Variants in CLCN3 observed in about 807,000 individuals in gnomAD.
CLCN3 encodes Cl-/H+ antiporter 3, also known as H(+)/Cl(-) exchange transporter 3.
CLCN3 carries 16 observed loss-of-function variants against 83.4 expected under a neutral mutation model. That is an observed-to-expected ratio of 0.19 (90% CI 0.13 to 0.29). The LOEUF (loss-of-function observed/expected upper bound fraction) is 0.29, where lower values mean the gene tolerates loss of function less well. Among genes scored for constraint, CLCN3 ranks in the 10% least tolerant of loss-of-function variants. The pLI is 1.00. For synonymous variants in CLCN3, 322 were observed against 346.2 expected (o/e 0.93, Z 0.78); for missense variants, 544 against 1,006.0 (o/e 0.54, Z 6.21).
intron 1 of CLCN3, among the ~76,000 whole-genome samples, chr4:169,626,557 C>A (rs992924636): frequency 1.3e-5 from 2 of 152,218 alleles, no homozygotes; most frequent in Non-Finnish European, 2.9e-5. Flanking sequence ...GGTCTTATGA[C>A]CCACAGTCAG....
At chr4:169,645,692 A>G (rs1056620737) in intron 2 of CLCN3, among the ~76,000 whole-genome samples, 3 of 152,164 alleles carry the variant, frequency 2.0e-5, no homozygotes, top group African/African-American at 2.4e-5. Context: ...GTCTTTATAC[A>G]TGGTCCTTTG....
intron 11 of CLCN3, among the ~76,000 whole-genome samples, chr4:169,711,748 A>G (rs1733224574): frequency 6.6e-6 from 1 of 152,244 alleles, no homozygotes; most frequent in Non-Finnish European, 1.5e-5. Flanking sequence ...AGAAGGCTGT[A>G]GTGTTCAAAA....
At chr4:169,656,289 G>A (rs1730882069) in intron 2 of CLCN3, among the ~76,000 whole-genome samples, 1 of 152,160 alleles carries the variant, frequency 6.6e-6, no homozygotes. Flanking sequence ...CGTCTTCTGG[G>A]GAGGCCTCAG....
intron 2 of CLCN3, among the ~76,000 whole-genome samples, chr4:169,646,591 C>T (rs769439198): frequency 2.2e-4 from 33 of 152,192 alleles, no homozygotes; most frequent in Non-Finnish European, 3.7e-4. Flanking sequence ...CCACAGCACT[C>T]AGACCTTTTA....
chr4:169,650,143 TA>T (rs1443053356), intron 2 of CLCN3, among the ~76,000 whole-genome samples: 4 of 152,148 alleles, frequency 2.6e-5, no homozygotes, highest in Non-Finnish European at 4.4e-5. Flanking sequence ...TGAGTGCTGA[TA>T]AAACAGTTGA....
At chr4:169,712,618 A>G (rs1285913920) in intron 11 of CLCN3, among the ~76,000 whole-genome samples, 4 of 152,260 alleles carry the variant, frequency 2.6e-5, no homozygotes, top group Admixed American at 6.5e-5. Flanking sequence ...GATGGAGGAC[A>G]CAGCATAGTC....
intron 1 of CLCN3, among the ~76,000 whole-genome samples, chr4:169,631,306 C>T (rs1240461948): frequency 6.6e-6 from 1 of 152,026 alleles, no homozygotes; most frequent in East Asian, 1.9e-4. Flanking sequence ...TTGTTGGAGA[C>T]GGAGTCTTGC....
intron 4 of CLCN3, 71 bp downstream of exon 4, chr4:169,687,828 A>C: frequency 1.3e-6 from 1 of 778,718 alleles, no homozygotes; most frequent in Non-Finnish European, 2.0e-6. Context: ...TCCTTCCCTC[A>C]ATTTTTTTTC....
chr4:169,692,058 G>C, intron 6 of CLCN3, 56 bp from the exon 7 acceptor site: 1 of 1,104,230 alleles, frequency 9.1e-7, no homozygotes, highest in South Asian at 1.4e-5. Context: ...ACTTGGATTC[G>C]TTACATTCTC....
intron 12 of CLCN3, among the ~76,000 whole-genome samples, chr4:169,719,373 C>G (rs1733546591): frequency 6.6e-6 from 1 of 152,186 alleles, no homozygotes; most frequent in Admixed American, 6.5e-5. Flanking sequence ...AGGAGAATTG[C>G]TTGAACCGGG....
chr4:169,713,015 A>G (rs1486839529), intron 11 of CLCN3, 64 bp from the exon 12 acceptor site: 3 of 1,183,120 alleles, frequency 2.5e-6, no homozygotes, highest in Non-Finnish European at 2.5e-6. Context: ...ATCTCTGAAT[A>G]AACAGGTTGC....
In CLCN3 at chr4:169,692,098, A is replaced by T. The variant is rs1732396454; in HGVS notation, c.730-16A>T. ...TTCTTAAAGGACATTAAGCTGCCTT[A>T]ATCTTTGCCTTGTAGATTAAAACTA... On this transcript the variant is annotated splice_polypyrimidine_tract_variant and intron_variant, in intron 6 of 12. Coordinates refer to ENST00000513761, the MANE Select transcript of CLCN3 (RefSeq NM_001829.4). The T allele has an allele frequency of 1.3e-6, 2 of 1,488,768 alleles. No individual in the cohort carries two copies. 92.2% of individuals were successfully genotyped at this position (1,488,768 alleles called of 1,614,324 possible).
At chr4:169,717,730 A>T in intron 12 of CLCN3, 1 of 1,047,588 alleles carries the variant, frequency 9.5e-7, no homozygotes, top group Non-Finnish European at 1.5e-6. Context: ...CTTTATCATT[A>T]TGATTGGAAA....
intron 2 of CLCN3, among the ~76,000 whole-genome samples, chr4:169,656,005 C>T (rs1730871263): frequency 6.6e-6 from 1 of 151,530 alleles, no homozygotes; most frequent in Non-Finnish European, 1.5e-5. Context: ...TTTAGGGCTT[C>T]AATAACTTTA....
chr4:169,650,359 T>G (rs1730697417), intron 2 of CLCN3, among the ~76,000 whole-genome samples: 1 of 152,194 alleles, frequency 6.6e-6, no homozygotes, highest in South Asian at 2.1e-4. Context: ...AGAATTTGGC[T>G]TTGCTACAGA....
rs187596078 is a variant in CLCN3 at position 169,632,841 on chromosome 4, A to G, written c.-16-3072A>G. On this transcript the variant is annotated intron_variant, in intron 1 of 12. Coordinates refer to ENST00000513761, the MANE Select transcript of CLCN3 (RefSeq NM_001829.4). Reference sequence around the variant, plus strand: ...TAGCAGGAAATGATTAAGAGATGTTAACATGGAATGGAGAGAGATTATGAG... The same window carrying G: ...TAGCAGGAAATGATTAAGAGATGTTGACATGGAATGGAGAGAGATTATGAG... Among the ~76,000 whole-genome samples the G allele has an allele frequency of 2.0e-4, 31 of 152,056 alleles. No homozygotes were observed. The East Asian group carries it at 5.8e-3, about 28-fold the overall frequency.
chr4:169,722,138 C>A lies in CLCN3; in HGVS notation c.*2141C>A, dbSNP rs1407035677. 6.6e-6 allele frequency: 1 copy of A among 152,210 alleles called. No homozygotes were observed. The highest frequency in any genetic ancestry group is 2.4e-5 in the African/African-American group (1 of 41,456). 9.4% of individuals were successfully genotyped at this position (152,210 alleles called of 1,614,324 possible). A position where few individuals can be genotyped will look rare whatever the true frequency, so the allele number is the denominator to read the frequency against. Reference sequence around the variant, plus strand: ...TGGCCCAGACAGACATTTTCTGAAACACAACTGGCAATGAGCTGTTTTTAC... The same window carrying A: ...TGGCCCAGACAGACATTTTCTGAAAAACAACTGGCAATGAGCTGTTTTTAC... On this transcript the variant is annotated 3_prime_UTR_variant, in exon 13 of 13. Transcript: ENST00000513761.
chr4:169,697,240 T>C lies in CLCN3; in HGVS notation c.1069T>C (p.Leu357=), dbSNP rs775400037. 6.2e-7 allele frequency: 1 copy of C among 1,609,434 alleles called. No homozygotes were observed. The highest frequency in any genetic ancestry group is 8.5e-7 in the Non-Finnish European group (1 of 1,179,092). Residue 357 remains leucine (L), a synonymous_variant, in exon 9 of 13, where the codon TTA becomes CTA. Coordinates refer to ENST00000513761, the MANE Select transcript of CLCN3 (RefSeq NM_001829.4). ...KTLWRSFFAA[L]VAAFVLRSIN... ...TTTATGGAGATCATTTTTTGCTGCT[T>C]TAGTGGCTGCATTTGTTTTGAGGTC...
intron 9 of CLCN3, 138 bp downstream of exon 9, chr4:169,697,872 A>G: frequency 1.5e-6 from 1 of 656,726 alleles, no homozygotes; most frequent in Non-Finnish European, 2.6e-6. Context: ...AATGAAAAAG[A>G]TAATTCCTTA....
Sources: gnomAD v4.1 joint callset for allele counts (sites outside exome capture counted in the v4.1 genomes callset) on GRCh38, gnomAD v4.1.1 for gene constraint, MANE v1.5 for transcripts, NCBI Gene and HGNC (gene_info 2026-07-23, HGNC 2026-07-21) for gene names.